PBRM1: variants seen among roughly 807,000 people sequenced by gnomAD.
PBRM1 encodes protein polybromo-1.
PBRM1 carries 27 observed loss-of-function variants against 194.5 expected under a neutral mutation model. The observed-to-expected ratio is 0.14, with a 90% CI of 0.10 to 0.19. The LOEUF is 0.19. PBRM1 is among the 10% of genes least tolerant of loss of function. The pLI, the probability that PBRM1 is intolerant of heterozygous loss-of-function variation, is 1.00. For missense variants in PBRM1, 1,466 were observed against 2,077.2 expected (o/e 0.71, Z 5.72); for synonymous variants, 655 against 693.2 (o/e 0.94, Z 0.87).
intron 8 of PBRM1, among the ~76,000 whole-genome samples, chr3:52,644,181 A>G (rs2096217675): frequency 6.6e-6 from 1 of 152,024 alleles, no homozygotes; most frequent in Admixed American, 6.6e-5. Flanking sequence ...ATATTTGTAC[A>G]AAGTATATAG....
intron 13 of PBRM1, 58 bp from the exon 15 acceptor site, chr3:52,624,999 G>A: frequency 8.6e-7 from 1 of 1,163,712 alleles, no homozygotes. Context: ...CAACATTGGA[G>A]GGTCATGTAC....
chr3:52,615,444 C>T (rs1471300592), exon 15 of PBRM1: 11 of 1,593,208 alleles, frequency 6.9e-6, no homozygotes, highest in Non-Finnish European at 9.5e-6. Context: ...AGGATATGTG[C>T]ATCATTATAA....
chr3:52,567,839 G>T (rs2085831046), intron 22 of PBRM1, among the ~76,000 whole-genome samples: 1 of 147,290 alleles, frequency 6.8e-6, no homozygotes, highest in African/African-American at 2.5e-5. Context: ...AGTAGAAATG[G>T]GGTTTCACCA....
At chr3:52,572,041 C>T (rs1371289302) in intron 22 of PBRM1, among the ~76,000 whole-genome samples, 6 of 132,728 alleles carry the variant, frequency 4.5e-5, no homozygotes, top group African/African-American at 1.7e-4. Flanking sequence ...TTGTCTCAAA[C>T]AAAACAAAAA....
At chr3:52,554,636 C>T in intron 27 of PBRM1, 88 bp downstream of exon 29, 1 of 1,193,540 alleles carries the variant, frequency 8.4e-7, no homozygotes, top group Non-Finnish European at 1.2e-6. Context: ...CACAATGGGC[C>T]ACGGGTGCCT....
intron 22 of PBRM1, among the ~76,000 whole-genome samples, chr3:52,567,575 AAAAAAAG>A (rs2085679985): frequency 2.7e-5 from 4 of 150,616 alleles, no homozygotes; most frequent in South Asian, 2.1e-4. Context: ...CAAAAAAAAA[AAAAAAAG>A]AAAAAAGAAA....
intron 20 of PBRM1, among the ~76,000 whole-genome samples, chr3:52,584,401 C>T (rs572240899): frequency 6.7e-6 from 1 of 148,374 alleles, no homozygotes; most frequent in Admixed American, 6.7e-5. Context: ...TTTCTGTTTC[C>T]AACCTTTTCA....
chr3:52,645,076 C>T (rs1376984019), intron 7 of PBRM1, among the ~76,000 whole-genome samples: 2 of 152,232 alleles, frequency 1.3e-5, no homozygotes, highest in Non-Finnish European at 2.9e-5. Flanking sequence ...TAATGCCCCA[C>T]TGTCCGTGGA....
intron 26 of PBRM1, among the ~76,000 whole-genome samples, chr3:52,557,994 C>T (rs955188100): frequency 6.6e-6 from 1 of 152,206 alleles, no homozygotes; most frequent in Non-Finnish European, 1.5e-5. Context: ...GGGTGGAGAA[C>T]ATCACCAGAC....
intron 17 of PBRM1, among the ~76,000 whole-genome samples, chr3:52,599,084 G>A (rs374744205): frequency 2.6e-5 from 4 of 151,678 alleles, no homozygotes; most frequent in African/African-American, 9.7e-5. Flanking sequence ...CAACTACTCA[G>A]GAGACTGAGG....
exon 18 of PBRM1, chr3:52,589,233 G>A: frequency 2.6e-6 from 4 of 1,537,182 alleles, no homozygotes; most frequent in Admixed American, 2.3e-5. Flanking sequence ...CAGCACCAGA[G>A]GAATCTTCAC....
intron 3 of PBRM1, 82 bp from the exon 5 acceptor site, chr3:52,662,358 G>T: frequency 8.4e-7 from 1 of 1,185,146 alleles, no homozygotes; most frequent in Non-Finnish European, 1.2e-6. Context: ...ACCTGTTTCA[G>T]CAAAGACCAA....
chr3:52,628,916 A>G, exon 12 of PBRM1: 1 of 1,613,960 alleles, frequency 6.2e-7, no homozygotes, highest in Non-Finnish European at 8.5e-7. Flanking sequence ...CTGCAATTTT[A>G]GAACTCGCTT....
At chr3:52,618,398 C>T (rs2095084766) in intron 13 of PBRM1, among the ~76,000 whole-genome samples, 1 of 152,146 alleles carries the variant, frequency 6.6e-6, no homozygotes, top group African/African-American at 2.4e-5. Flanking sequence ...GGGTAAAAGA[C>T]TTGCCCAAGG....
intron 4 of PBRM1, among the ~76,000 whole-genome samples, chr3:52,660,311 G>C (rs2096694491): frequency 6.6e-6 from 1 of 152,122 alleles, no homozygotes; most frequent in Admixed American, 6.6e-5. Context: ...ATTCATATTA[G>C]AGAGTAAAAT....
Position 52,658,228 on chromosome 3 carries a change from C to A in PBRM1, c.616G>T (p.Glu206Ter). The A allele has an allele frequency of 6.2e-7, 1 of 1,608,140 alleles. No homozygotes were observed. The highest frequency in any genetic ancestry group is 1.1e-5 in the South Asian group (1 of 90,930). The stretch of plus-strand genomic sequence containing the variant: ...TTAGAAGGCAGTTTCTGAAAAAGTT[C>A]GCTAATGAGACGTCCTGATGGATTT... The change falls in exon 5 of 30, where the codon GAA becomes TAA. Residue 206 changes from glutamate to a stop codon, truncating the protein, a stop_gained. Coordinates refer to ENST00000296302, the Ensembl canonical transcript of PBRM1. LOFTEE classifies it high-confidence loss of function.
downstream of PBRM1, chr3:52,546,219 CA>C: frequency 4.3e-6 from 1 of 232,656 alleles, no homozygotes; most frequent in Non-Finnish European, 8.5e-6. Flanking sequence ...AATTTAACCA[CA>C]ACTAAATTTC....
chr3:52,677,196 C>A (rs2097124742), intron 2 of PBRM1, among the ~76,000 whole-genome samples: 1 of 152,152 alleles, frequency 6.6e-6, no homozygotes, highest in African/African-American at 2.4e-5. Context: ...GAGAAAAAGA[C>A]AACATAAACT....
downstream of PBRM1, chr3:52,546,854 A>G: frequency 4.3e-6 from 1 of 233,244 alleles, no homozygotes; most frequent in East Asian, 6.1e-5. Flanking sequence ...TTCTCCTGTA[A>G]TTCAAAAGCA....
Sources: allele counts gnomAD v4.1 joint callset (sites outside exome capture counted in the v4.1 genomes callset), GRCh38; gene constraint gnomAD v4.1.1; transcripts MANE v1.5; gene names NCBI Gene and HGNC (gene_info 2026-07-23, HGNC 2026-07-21).